The following LRRC49 variants were observed in gnomAD, a reference collection of about 807,000 sequenced individuals.
The protein encoded by LRRC49 is leucine rich repeat containing 49, also known as leucine-rich repeat-containing protein 49.
A neutral mutation model predicts 83.3 loss-of-function variants in LRRC49; 50 were observed. That is an observed-to-expected ratio of 0.60 (90% confidence interval 0.48 to 0.76). The LOEUF is 0.76. LRRC49 is among the 30% of genes least tolerant of loss of function. The pLI, the probability that LRRC49 is intolerant of heterozygous loss-of-function variation, is 0.00. For missense variants in LRRC49, 704 were observed against 809.1 expected (o/e 0.87, Z 1.58); for synonymous variants, 286 against 283.3 (o/e 1.01, Z -0.10).
chr15:70,953,148 C>T (rs2036280132), intron 8 of LRRC49, among the ~76,000 whole-genome samples: 1 of 152,132 alleles, frequency 6.6e-6, no homozygotes, highest in South Asian at 2.1e-4. Context: ...CGGTATTGGA[C>T]TGTGAGGATT....
chr15:71,014,596 G>A (rs2038765407), intron 14 of LRRC49, among the ~76,000 whole-genome samples: 2 of 152,058 alleles, frequency 1.3e-5, no homozygotes, highest in African/African-American at 4.8e-5. Flanking sequence ...AAAGGGATGG[G>A]AAATATATAA....
intron 14 of LRRC49, among the ~76,000 whole-genome samples, chr15:71,019,728 C>T (rs1041493906): frequency 6.6e-6 from 1 of 152,158 alleles, no homozygotes; most frequent in African/African-American, 2.4e-5. Flanking sequence ...AAGCAGTCCT[C>T]ATATAGATGT....
At position 71,009,064 on chromosome 15, in the gene LRRC49, A is replaced by G. The variant is rs975972245; in HGVS notation, c.1407+448A>G. Among the ~76,000 whole-genome samples, 14 of 151,946 alleles carry G rather than the reference A, an allele frequency of 9.2e-5. No homozygotes were observed. The South Asian group carries it at 2.7e-3, about 29-fold the overall frequency. ...ATTAGCCTTCCTCAATTATGGTGTC[A>G]TTGTATTATTTAGTATGCATTTGTA... On this transcript the variant is annotated intron_variant, in intron 12 of 15. Transcript: ENST00000260382.
rs2039974772 is a variant in LRRC49, at chr15:71,050,143, G to A, written c.*531G>A. On this transcript the variant is annotated 3_prime_UTR_variant, in exon 16 of 16. Transcript: ENST00000260382. ...TTATTGTATGTTCCTCTTTAGTTAGGTACGGTTCCTGCTATTCACCTATAT... is the reference window on the plus strand; with the variant it reads ...TTATTGTATGTTCCTCTTTAGTTAGATACGGTTCCTGCTATTCACCTATAT... 6.5e-6 allele frequency: 1 copy of A among 152,846 alleles called. No homozygotes were observed. Among genetic ancestry groups the A allele is most frequent in the Admixed American group, 6.5e-5 (1 of 15,346 alleles). 9.5% of individuals were successfully genotyped at this position (152,846 alleles called of 1,614,324 possible).
intron 11 of LRRC49, among the ~76,000 whole-genome samples, chr15:70,987,030 G>A (rs1242704835): frequency 7.2e-5 from 11 of 152,136 alleles, no homozygotes; most frequent in East Asian, 3.9e-4. Context: ...TGCTGGATTC[G>A]GTTTGCCAGT....
chr15:71,049,364 G>T (rs1188796376), intron 15 of LRRC49, 45 bp from the exon 16 acceptor site: 1 of 1,271,872 alleles, frequency 7.9e-7, no homozygotes, highest in Non-Finnish European at 1.1e-6. Flanking sequence ...TTTGACTTTT[G>T]GATTAGTTAT....
intron 8 of LRRC49, among the ~76,000 whole-genome samples, chr15:70,949,516 A>G (rs1156624581): frequency 6.6e-6 from 1 of 152,206 alleles, no homozygotes; most frequent in African/African-American, 2.4e-5. Flanking sequence ...TTTATGATGT[A>G]CTATATAGTT....
intron 9 of LRRC49, among the ~76,000 whole-genome samples, chr15:70,973,785 GAC>G (rs1481705085): frequency 6.6e-5 from 10 of 152,142 alleles, no homozygotes; most frequent in Non-Finnish European, 1.5e-5. Flanking sequence ...CACAAATTGT[GAC>G]AGTCAACTTG....
At chr15:70,974,083 C>T (rs1447637255) in intron 9 of LRRC49, among the ~76,000 whole-genome samples, 1 of 151,998 alleles carries the variant, frequency 6.6e-6, no homozygotes, top group South Asian at 2.1e-4. Flanking sequence ...GCCGAGATCG[C>T]GCCACTGCAC....
intron 8 of LRRC49, among the ~76,000 whole-genome samples, chr15:70,960,669 G>A (rs147363775): frequency 5.7e-4 from 87 of 152,172 alleles, no homozygotes; most frequent in African/African-American, 2.0e-3. Context: ...AGGAGCAAAA[G>A]CAATTCAATA....
chr15:70,958,038 TGAGA>T, intron 8 of LRRC49, among the ~76,000 whole-genome samples: 1 of 152,274 alleles, frequency 6.6e-6, no homozygotes, highest in East Asian at 1.9e-4. Flanking sequence ...GTTGTTCACC[TGAGA>T]GAGAAACTTG....
At chr15:70,912,295 G>T (rs1319151836) in intron 6 of LRRC49, among the ~76,000 whole-genome samples, 2 of 151,964 alleles carry the variant, frequency 1.3e-5, no homozygotes, top group Non-Finnish European at 1.5e-5. Flanking sequence ...TTGCTATTAT[G>T]AATAGTACTT....
In LRRC49 at chr15:70,905,458, G is replaced by T. The variant is rs529021987; in HGVS notation, c.500+703G>T. 1.4e-4 allele frequency among the ~76,000 whole-genome samples: 21 copies of T among 152,194 alleles called. 1 individual carries two copies. In the South Asian group the frequency reaches 3.9e-3, roughly 29 times the overall value. ...CTTTCCCTGCCTCCCACCCTGGCAT[G>T]GGTCTTGGATTACTCGTTGCAGGAA... On this transcript the variant is annotated intron_variant, in intron 5 of 15. Coordinates refer to ENST00000260382, the MANE Select transcript of LRRC49 (RefSeq NM_017691.5).
rs149347450 is a variant in LRRC49 at position 70,901,011 on chromosome 15, T to A, written c.283T>A (p.Leu95Met). ...SEEKILYSDR[L>M]SLERQKLTVC... ...AGAGAAAATTCTTTACTCAGACAGG[T>A]TGAGCCTAGAAAGGTGAGGACAATT... is the stretch of plus-strand genomic sequence containing the variant. Residue 95 changes from leucine (L) to methionine (M), a missense_variant, in exon 4 of 16, where the codon TTG becomes ATG. Coordinates refer to ENST00000260382, the MANE Select transcript of LRRC49 (RefSeq NM_017691.5). 1.8e-4 allele frequency: 293 copies of A among 1,603,462 alleles called. No individual in the cohort carries two copies. The highest frequency in any genetic ancestry group is 2.4e-4 in the Non-Finnish European group (281 of 1,173,488).
At chr15:71,032,217 C>T (rs1249887285) in intron 14 of LRRC49, among the ~76,000 whole-genome samples, 1 of 152,146 alleles carries the variant, frequency 6.6e-6, no homozygotes, top group Admixed American at 6.5e-5. Flanking sequence ...CACGGCTTCC[C>T]TTGGCTTGGG....
At chr15:70,962,157 A>G (rs925377925) in intron 8 of LRRC49, among the ~76,000 whole-genome samples, 1 of 152,218 alleles carries the variant, frequency 6.6e-6, no homozygotes, top group Admixed American at 6.5e-5. Context: ...GGAATTGAAT[A>G]ATTAAGTAAA....
intron 7 of LRRC49, among the ~76,000 whole-genome samples, chr15:70,929,865 C>A (rs954922744): frequency 2.0e-5 from 3 of 152,162 alleles, no homozygotes; most frequent in African/African-American, 7.2e-5. Context: ...CATGAGATTG[C>A]AGCCATTCAG....
chr15:70,982,966 G>C (rs1197182900), intron 10 of LRRC49, among the ~76,000 whole-genome samples: 1 of 152,112 alleles, frequency 6.6e-6, no homozygotes, highest in Non-Finnish European at 1.5e-5. Context: ...CTGAAGGAGT[G>C]GACAGAGAAT....
chr15:70,977,608 G>A (rs1250408251), intron 9 of LRRC49, among the ~76,000 whole-genome samples: 1 of 151,862 alleles, frequency 6.6e-6, no homozygotes, highest in African/African-American at 2.4e-5. Flanking sequence ...TTGCACCATG[G>A]CACTCCAAGC....
Sources: allele counts gnomAD v4.1 joint callset (sites outside exome capture counted in the v4.1 genomes callset), GRCh38; gene constraint gnomAD v4.1.1; transcripts MANE v1.5; gene names NCBI Gene and HGNC (gene_info 2026-07-23, HGNC 2026-07-21).